The following PLCL1 variants were observed in gnomAD, a reference collection of about 807,000 sequenced individuals.
PLCL1 encodes the protein inactive phospholipase C-like protein 1.
A neutral mutation model predicts 84.4 loss-of-function variants in PLCL1; 41 were observed. The observed-to-expected ratio is 0.49, with a 90% CI of 0.38 to 0.63. PLCL1 has a LOEUF of 0.63. Ranked by LOEUF, PLCL1 falls within the 30% of genes least tolerant of loss-of-function variation. The probability of loss-of-function intolerance (pLI) is 0.00; values close to 1 mark genes in which losing one functional copy is unlikely to be tolerated. For synonymous variants in PLCL1, 490 were observed against 488.3 expected (o/e 1.00, Z -0.05); for missense variants, 1,206 against 1,367.8 (o/e 0.88, Z 1.87).
At position 197,982,796 on chromosome 2, in the gene PLCL1, T is replaced by C. The variant is rs116251607; in HGVS notation, c.241-100962T>C. ...TGCCCACAAGGCAGGGCTGAAGCCTTGGAGGACCTCGCATCCATCTTTAGC... is the reference window on the plus strand; with the variant it reads ...TGCCCACAAGGCAGGGCTGAAGCCTCGGAGGACCTCGCATCCATCTTTAGC... On this transcript the variant is annotated intron_variant, in intron 1 of 5. Coordinates refer to ENST00000428675, the MANE Select transcript of PLCL1 (RefSeq NM_006226.4). 2.1e-3 allele frequency among the ~76,000 whole-genome samples: 324 copies of C among 152,332 alleles called. 1 individual carries two copies. Among genetic ancestry groups the C allele is most frequent in the African/African-American group, 7.5e-3 (311 of 41,578 alleles).
At chr2:197,965,151 T>C (rs528995894) in intron 1 of PLCL1, among the ~76,000 whole-genome samples, 182 of 152,254 alleles carry the variant, frequency 1.2e-3, no homozygotes, top group African/African-American at 4.2e-3. Flanking sequence ...TTTCTTTAAA[T>C]ATTTGGTAAA....
chr2:198,035,117 A>G (rs1691525922), intron 1 of PLCL1, among the ~76,000 whole-genome samples: 2 of 152,220 alleles, frequency 1.3e-5, no homozygotes, highest in African/African-American at 2.4e-5. Flanking sequence ...GAGACACACC[A>G]AGACTATGAA....
chr2:197,898,947 G>A (rs1688210207), intron 1 of PLCL1, among the ~76,000 whole-genome samples: 1 of 152,036 alleles, frequency 6.6e-6, no homozygotes, highest in African/African-American at 2.4e-5. Context: ...CAATATTACT[G>A]GTTTTCTTAT....
intron 1 of PLCL1, among the ~76,000 whole-genome samples, chr2:197,907,216 G>A (rs900897963): frequency 2.0e-5 from 3 of 152,020 alleles, no homozygotes; most frequent in Non-Finnish European, 4.4e-5. Context: ...AGAAATAAAA[G>A]ATATTCAAAT....
chr2:198,003,219 T>A (rs1469076466), intron 1 of PLCL1, among the ~76,000 whole-genome samples: 1 of 152,232 alleles, frequency 6.6e-6, no homozygotes, highest in Non-Finnish European at 1.5e-5. Context: ...TGTAAACTTC[T>A]ACTAAGACTA....
chr2:198,083,749 A>G lies in PLCL1; in HGVS notation c.241-9A>G. ...GAAATTGATTCATTTTTTTCAAATT[A>G]TTTTACAGGATCCTTCAAACCAAAA... is the stretch of plus-strand genomic sequence containing the variant. On this transcript the variant is annotated splice_polypyrimidine_tract_variant and intron_variant, in intron 1 of 5. Transcript: ENST00000428675. The G allele has an allele frequency of 6.5e-7, 1 of 1,548,240 alleles. No individual in the cohort carries two copies. The highest frequency in any genetic ancestry group is 8.7e-7 in the Non-Finnish European group (1 of 1,147,578).
intron 1 of PLCL1, among the ~76,000 whole-genome samples, chr2:197,953,585 AC>A (rs774583705): frequency 6.6e-6 from 1 of 151,906 alleles, no homozygotes; most frequent in Non-Finnish European, 1.5e-5. Flanking sequence ...TTGATTGAGA[AC>A]CTGTGATTCT....
At chr2:198,034,249 G>GT (rs1559081266) in intron 1 of PLCL1, among the ~76,000 whole-genome samples, 1 of 151,968 alleles carries the variant, frequency 6.6e-6, no homozygotes, top group Non-Finnish European at 1.5e-5. Flanking sequence ...GCGATGTTTG[G>GT]TTTTTTGTCT....
At chr2:197,861,932 GA>G (rs1574917747) in intron 1 of PLCL1, among the ~76,000 whole-genome samples, 2 of 152,100 alleles carry the variant, frequency 1.3e-5, no homozygotes, top group East Asian at 3.8e-4. Flanking sequence ...TTAAAATACG[GA>G]AAAAGTAATA....
At chr2:198,003,045 A>T (rs1690642969) in intron 1 of PLCL1, among the ~76,000 whole-genome samples, 1 of 152,070 alleles carries the variant, frequency 6.6e-6, no homozygotes, top group Admixed American at 6.6e-5. Context: ...GAGTAGATGG[A>T]TGTACTGTCC....
At chr2:198,099,371 T>G (rs1029067286) in intron 3 of PLCL1, among the ~76,000 whole-genome samples, 22 of 152,106 alleles carry the variant, frequency 1.4e-4, no homozygotes, top group African/African-American at 5.1e-4. Context: ...TTGAAATTTT[T>G]GACTTAAATT....
At chr2:198,005,729 G>C (rs1410262559) in intron 1 of PLCL1, among the ~76,000 whole-genome samples, 2 of 152,238 alleles carry the variant, frequency 1.3e-5, no homozygotes, top group East Asian at 3.8e-4. Flanking sequence ...GAGGCAAAGG[G>C]TTGCAGGCAA....
chr2:197,915,278 T>C (rs1688572276), intron 1 of PLCL1, among the ~76,000 whole-genome samples: 1 of 152,170 alleles, frequency 6.6e-6, no homozygotes, highest in African/African-American at 2.4e-5. Context: ...AAAGAAGTGA[T>C]AGCGGTGTCA....
chr2:198,108,625 G>T (rs1418779929), intron 5 of PLCL1, among the ~76,000 whole-genome samples: 1 of 151,702 alleles, frequency 6.6e-6, no homozygotes, highest in Non-Finnish European at 1.5e-5. Flanking sequence ...ATTGCAGAAA[G>T]AAAAATGACT....
intron 1 of PLCL1, among the ~76,000 whole-genome samples, chr2:197,959,902 C>CA (rs1403383856): frequency 6.6e-6 from 1 of 151,992 alleles, no homozygotes; most frequent in African/African-American, 2.4e-5. Context: ...CTGTGTGCTT[C>CA]AGAGCTCTTG....
intron 1 of PLCL1, among the ~76,000 whole-genome samples, chr2:197,897,180 CTTCTTCTTCTCCTTCTCCTTCTTCTT>C (rs1559038647): frequency 0.014 from 354 of 26,070 alleles, 4 homozygotes; most frequent in African/African-American, 0.024. Flanking sequence ...TCTTCTTCTT[CTTCTTCTTCTCCTTCTCCTTCTTCTT>C]TCTTCTTCCT....
At position 197,833,126 on chromosome 2, in the gene PLCL1, C is replaced by T. The variant is rs142378861; in HGVS notation, c.240+27787C>T. ...GCTGAGGCAGAGAATCACTTGAGCC[C>T]GGGAGGCAGCTTCAGGCTAAAAACT... is the stretch of plus-strand genomic sequence containing the variant. On this transcript the variant is annotated intron_variant, in intron 1 of 5. Transcript: ENST00000428675. Among the ~76,000 whole-genome samples, 77 of 152,130 alleles carry T rather than the reference C, an allele frequency of 5.1e-4. 2 individuals carry two copies. In the South Asian group the frequency reaches 1.0e-2, roughly 20 times the overall value.
At chr2:198,070,002 C>A (rs10202569) in intron 1 of PLCL1, among the ~76,000 whole-genome samples, 6 of 151,934 alleles carry the variant, frequency 3.9e-5, no homozygotes, top group South Asian at 2.1e-4. Flanking sequence ...GAGTGTGTTG[C>A]GGGGCGGAAT....
intron 1 of PLCL1, among the ~76,000 whole-genome samples, chr2:198,046,062 G>A (rs1277087304): frequency 1.3e-5 from 2 of 152,074 alleles, no homozygotes; most frequent in Non-Finnish European, 2.9e-5. Flanking sequence ...TTTGAGGTTG[G>A]CAAACTATAG....
Sources: allele counts gnomAD v4.1 joint callset (sites outside exome capture counted in the v4.1 genomes callset), GRCh38; gene constraint gnomAD v4.1.1; transcripts MANE v1.5; gene names NCBI Gene and HGNC (gene_info 2026-07-23, HGNC 2026-07-21).